Variants in LRP1B observed in about 807,000 individuals in gnomAD.
LRP1B encodes the protein LDL receptor related protein 1B.
LRP1B carries 217 observed loss-of-function variants against 556.6 expected under a neutral mutation model. The ratio of observed to expected loss-of-function variants is 0.39; its 90% CI spans 0.35 to 0.44. LRP1B has a LOEUF of 0.44. LRP1B is among the 20% of genes least tolerant of loss of function. The pLI is 1.00. For synonymous variants in LRP1B, 2,047 were observed against 1,865.8 expected, an observed-to-expected ratio of 1.10 and a Z score of -2.50; for missense variants, 5,053 against 5,620.8, an observed-to-expected ratio of 0.90 and a Z score of 3.23.
chr2:141,222,410 G>T (rs1384514748), intron 6 of LRP1B, among the ~76,000 whole-genome samples: 2 of 152,026 alleles, frequency 1.3e-5, no homozygotes, highest in African/African-American at 4.8e-5. Flanking sequence ...CCAAAAAACT[G>T]CAGGACCAGA....
intron 2 of LRP1B, among the ~76,000 whole-genome samples, chr2:141,770,111 C>T (rs1694850054): frequency 6.6e-6 from 1 of 151,988 alleles, no homozygotes; most frequent in Non-Finnish European, 1.5e-5. Flanking sequence ...GTTCTGGCTC[C>T]CTCCTACTCC....
intron 2 of LRP1B, among the ~76,000 whole-genome samples, chr2:141,525,326 T>C (rs1195341344): frequency 6.6e-6 from 1 of 152,020 alleles, no homozygotes; most frequent in Non-Finnish European, 1.5e-5. Context: ...AATGGACAAT[T>C]GACATTGTAT....
At chr2:141,157,828 A>G (rs1460044938) in intron 7 of LRP1B, among the ~76,000 whole-genome samples, 1 of 152,176 alleles carries the variant, frequency 6.6e-6, no homozygotes, top group Non-Finnish European at 1.5e-5. Flanking sequence ...AAAATCACTA[A>G]GCTATTTTAC....
intron 66 of LRP1B, among the ~76,000 whole-genome samples, chr2:140,387,705 AC>A (rs933510588): frequency 6.6e-6 from 1 of 152,050 alleles, no homozygotes; most frequent in African/African-American, 2.4e-5. Context: ...GTTATATTTA[AC>A]TTTAGGTTTA....
At position 140,506,934 on chromosome 2, in the gene LRP1B, C is replaced by A. The variant is rs1468487896; in HGVS notation, c.8399-16G>T. ...TTATTGGGAGCTAAGAAAGGCATCACAAAAAATAAAGTTAGATGAGCACAT... is the reference window on the plus strand; with the variant it reads ...TTATTGGGAGCTAAGAAAGGCATCAAAAAAAATAAAGTTAGATGAGCACAT... On this transcript the variant is annotated splice_polypyrimidine_tract_variant and intron_variant, in intron 52 of 90. Coordinates refer to ENST00000389484, the MANE Select transcript of LRP1B (RefSeq NM_018557.3). 6.2e-7 allele frequency: 1 copy of A among 1,610,386 alleles called. No individual in the cohort carries two copies. Among genetic ancestry groups the A allele is most frequent in the Non-Finnish European group, 8.5e-7 (1 of 1,178,460 alleles).
chr2:141,751,992 G>A (rs1034017390), intron 2 of LRP1B, among the ~76,000 whole-genome samples: 21 of 150,770 alleles, frequency 1.4e-4, no homozygotes, highest in Non-Finnish European at 2.2e-4. Flanking sequence ...TCTTTGTAAC[G>A]GATTAAAACG....
At position 140,307,014 on chromosome 2, in the gene LRP1B, CAT is replaced by C. The variant is rs375494929; in HGVS notation, c.12805+7919_12805+7920del. On this transcript the variant is annotated intron_variant, in intron 83 of 90. Transcript: ENST00000389484. ...GAAAAATGGAAATGTCTTGGAATCT[CAT>C]AGAGTTTTTTAAATTTCACTTATAT... Among the ~76,000 whole-genome samples the C allele has an allele frequency of 4.0e-4, 61 of 151,976 alleles. 1 individual carries two copies. Among genetic ancestry groups the C allele is most frequent in the African/African-American group, 1.4e-3 (58 of 41,496 alleles).
chr2:141,991,452 G>A (rs975699232), intron 1 of LRP1B, among the ~76,000 whole-genome samples: 2 of 151,928 alleles, frequency 1.3e-5, no homozygotes, highest in Non-Finnish European at 2.9e-5. Context: ...CTTAACGGAG[G>A]AAAACATTTT....
At chr2:141,326,394 A>G (rs917050454) in intron 3 of LRP1B, among the ~76,000 whole-genome samples, 1 of 152,172 alleles carries the variant, frequency 6.6e-6, no homozygotes, top group Non-Finnish European at 1.5e-5. Flanking sequence ...ATAATCTAAA[A>G]TAATATTATA....
chr2:141,363,416 T>C (rs1317839718), intron 3 of LRP1B, among the ~76,000 whole-genome samples: 2 of 151,296 alleles, frequency 1.3e-5, no homozygotes, highest in South Asian at 2.1e-4. Flanking sequence ...TTTATATTTC[T>C]TAATGACACT....
At chr2:140,783,445 T>C (rs1689770874) in intron 32 of LRP1B, among the ~76,000 whole-genome samples, 1 of 152,128 alleles carries the variant, frequency 6.6e-6, no homozygotes, top group Non-Finnish European at 1.5e-5. Context: ...ACCAATTTTA[T>C]CTCTTCTCTC....
chr2:141,461,360 CA>C (rs1681864224), intron 3 of LRP1B, among the ~76,000 whole-genome samples: 2 of 152,070 alleles, frequency 1.3e-5, no homozygotes, highest in South Asian at 4.1e-4. Context: ...ATGAACTTGA[CA>C]AGGCGGCTTC....
chr2:141,949,865 G>T (rs945267682), intron 1 of LRP1B, among the ~76,000 whole-genome samples: 27 of 152,252 alleles, frequency 1.8e-4, no homozygotes, highest in African/African-American at 6.3e-4. Flanking sequence ...CTACATTTCA[G>T]TGAAGATTTT....
chr2:141,204,831 G>A (rs1682201723), intron 6 of LRP1B, among the ~76,000 whole-genome samples: 1 of 151,994 alleles, frequency 6.6e-6, no homozygotes, highest in South Asian at 2.1e-4. Context: ...CAACTATTTG[G>A]GAGGCTGAGG....
At chr2:141,827,511 A>T (rs1308783709) in intron 1 of LRP1B, among the ~76,000 whole-genome samples, 3 of 152,154 alleles carry the variant, frequency 2.0e-5, no homozygotes, top group Non-Finnish European at 4.4e-5. Context: ...TTCTCCTGTG[A>T]CTAATGTCAA....
chr2:140,394,151 A>G (rs1337280063), intron 66 of LRP1B, among the ~76,000 whole-genome samples: 4 of 129,166 alleles, frequency 3.1e-5, no homozygotes, highest in Non-Finnish European at 6.4e-5. Flanking sequence ...TTTTTGGTGC[A>G]TACGCACTTA....
chr2:140,790,362 G>A (rs1426789896), intron 32 of LRP1B, among the ~76,000 whole-genome samples: 1 of 152,152 alleles, frequency 6.6e-6, no homozygotes, highest in Non-Finnish European at 1.5e-5. Flanking sequence ...AAATGACAGA[G>A]AGAGAAAAAA....
At chr2:141,138,775 G>A (rs1701553350) in intron 7 of LRP1B, among the ~76,000 whole-genome samples, 1 of 151,838 alleles carries the variant, frequency 6.6e-6, no homozygotes, top group African/African-American at 2.4e-5. Context: ...GCATAATATT[G>A]TCAAGATGTC....
chr2:141,956,345 AC>A (rs1325049135), intron 1 of LRP1B, among the ~76,000 whole-genome samples: 1 of 152,046 alleles, frequency 6.6e-6, no homozygotes, highest in Non-Finnish European at 1.5e-5. Flanking sequence ...TGATTATTAA[AC>A]TGGAGTAACT....
Sources: allele counts gnomAD v4.1 joint callset (sites outside exome capture counted in the v4.1 genomes callset), GRCh38; gene constraint gnomAD v4.1.1; transcripts MANE v1.5; gene names NCBI Gene and HGNC (gene_info 2026-07-23, HGNC 2026-07-21).